LRRTM4: variants seen among roughly 807,000 people sequenced by gnomAD.
LRRTM4 encodes leucine-rich repeat transmembrane neuronal protein 4.
In LRRTM4, 25 loss-of-function variants were observed where a neutral mutation model predicts 47.6. The ratio of observed to expected loss-of-function variants is 0.53; its 90% confidence interval spans 0.38 to 0.73. LRRTM4 has a LOEUF of 0.73. LRRTM4 is among the 30% of genes least tolerant of loss of function. LRRTM4 has a pLI of 0.00. For missense variants in LRRTM4, 638 were observed against 713.4 expected, an observed-to-expected ratio of 0.89 and a Z score of 1.20; for synonymous variants, 311 against 269.5, an observed-to-expected ratio of 1.15 and a Z score of -1.51.
At chr2:76,852,864 T>C (rs1425750463) in intron 3 of LRRTM4, among the ~76,000 whole-genome samples, 1 of 152,116 alleles carries the variant, frequency 6.6e-6, no homozygotes, top group Non-Finnish European at 1.5e-5. Flanking sequence ...GGATAGTAGG[T>C]TTAGAGGACA....
rs1182608972 is a variant in LRRTM4 at position 76,787,647 on chromosome 2, CTT to C, written c.1552-38733_1552-38732del. 3.3e-5 allele frequency among the ~76,000 whole-genome samples: 5 copies of C among 151,750 alleles called. No homozygotes were observed. The East Asian group carries it at 9.7e-4, about 29-fold the overall frequency. On this transcript the variant is annotated intron_variant, in intron 3 of 3. Coordinates refer to ENST00000409884, the MANE Select transcript of LRRTM4 (RefSeq NM_001134745.3). The stretch of plus-strand genomic sequence containing the variant: ...TTTGTGAGGATTATTATAGGGAAAA[CTT>C]TGTGGTTCAGTGGGGAGTTTTGCAT...
intron 3 of LRRTM4, among the ~76,000 whole-genome samples, chr2:76,956,893 G>T (rs1028834011): frequency 1.3e-5 from 2 of 151,030 alleles, no homozygotes; most frequent in Admixed American, 6.6e-5. Flanking sequence ...GAATTACAAA[G>T]AAAATTCTTA....
chr2:76,890,095 C>A (rs1223726814), intron 3 of LRRTM4, among the ~76,000 whole-genome samples: 1 of 151,772 alleles, frequency 6.6e-6, no homozygotes, highest in Non-Finnish European at 1.5e-5. Context: ...GTAGCACACA[C>A]ACTATCAAAA....
intron 3 of LRRTM4, among the ~76,000 whole-genome samples, chr2:76,936,429 G>T (rs1178966988): frequency 6.6e-6 from 1 of 151,268 alleles, no homozygotes; most frequent in African/African-American, 2.4e-5. Flanking sequence ...ACACACTGGG[G>T]CCTGTTGAGG....
chr2:77,453,251 T>G (rs1200605082), intron 3 of LRRTM4, among the ~76,000 whole-genome samples: 2 of 149,438 alleles, frequency 1.3e-5, no homozygotes, highest in African/African-American at 4.9e-5. Flanking sequence ...GAGCGATCTC[T>G]GTTCACTGCA....
intron 3 of LRRTM4, among the ~76,000 whole-genome samples, chr2:76,753,357 T>C (rs1194320951): frequency 3.3e-5 from 5 of 152,158 alleles, no homozygotes; most frequent in African/African-American, 4.8e-5. Context: ...TGACAGTGTC[T>C]TTCTTGAAAG....
intron 3 of LRRTM4, among the ~76,000 whole-genome samples, chr2:76,869,922 C>T (rs1178838986): frequency 6.6e-6 from 1 of 151,986 alleles, no homozygotes; most frequent in East Asian, 1.9e-4. Context: ...TTGAAATATG[C>T]CCTTCTGTGT....
intron 3 of LRRTM4, among the ~76,000 whole-genome samples, chr2:77,002,155 C>T (rs1380093536): frequency 6.6e-6 from 1 of 152,144 alleles, no homozygotes; most frequent in Non-Finnish European, 1.5e-5. Context: ...CCCCTGTTTT[C>T]AAATGTATAC....
intron 3 of LRRTM4, among the ~76,000 whole-genome samples, chr2:77,182,562 A>T (rs556064728): frequency 1.3e-5 from 2 of 152,036 alleles, no homozygotes; most frequent in African/African-American, 4.8e-5. Flanking sequence ...TAAAAAAAAC[A>T]TAATAGCTTA....
At chr2:76,801,107 A>G (rs192869376) in intron 3 of LRRTM4, among the ~76,000 whole-genome samples, 6 of 152,094 alleles carry the variant, frequency 3.9e-5, no homozygotes, top group Middle Eastern at 3.4e-3. Flanking sequence ...CGGTGTGGCG[A>G]TTCCTCAGGG....
intron 3 of LRRTM4, among the ~76,000 whole-genome samples, chr2:76,780,959 T>G (rs1368682208): frequency 2.6e-5 from 4 of 152,208 alleles, no homozygotes; most frequent in Non-Finnish European, 4.4e-5. Context: ...CCTTTCTGTT[T>G]GTTAGTTTTC....
At chr2:77,499,050 C>T (rs1338618293) in intron 3 of LRRTM4, among the ~76,000 whole-genome samples, 2 of 151,816 alleles carry the variant, frequency 1.3e-5, no homozygotes, top group African/African-American at 4.8e-5. Context: ...CTCTCCAAGA[C>T]CAGGTTTTAT....
chr2:77,227,122 T>C (rs1470922601), intron 3 of LRRTM4, among the ~76,000 whole-genome samples: 2 of 152,052 alleles, frequency 1.3e-5, no homozygotes, highest in Admixed American at 1.3e-4. Context: ...TCCATGACTA[T>C]GGAGCAATAT....
chr2:77,081,855 C>G (rs1164820156), intron 3 of LRRTM4, among the ~76,000 whole-genome samples: 1 of 152,058 alleles, frequency 6.6e-6, no homozygotes, highest in Non-Finnish European at 1.5e-5. Flanking sequence ...AAGCAATACT[C>G]CAGTAGTGAC....
At chr2:76,872,482 C>T (rs1263708590) in intron 3 of LRRTM4, among the ~76,000 whole-genome samples, 1 of 151,900 alleles carries the variant, frequency 6.6e-6, no homozygotes, top group Non-Finnish European at 1.5e-5. Flanking sequence ...CTCCATAACC[C>T]ATGTATGGCT....
chr2:77,166,984 C>T (rs556859259), intron 3 of LRRTM4, among the ~76,000 whole-genome samples: 20 of 152,204 alleles, frequency 1.3e-4, no homozygotes, highest in African/African-American at 4.6e-4. Flanking sequence ...AGAGCTTCTA[C>T]ACAGCAAAGG....
intron 3 of LRRTM4, among the ~76,000 whole-genome samples, chr2:77,233,040 T>C (rs936675838): frequency 1.3e-5 from 2 of 152,204 alleles, no homozygotes; most frequent in African/African-American, 4.8e-5. Flanking sequence ...ATAAAGAAAT[T>C]GCATTGCTTG....
chr2:77,519,332 G>A lies in LRRTM4; in HGVS notation c.537C>T (p.Asp179=). The change falls in exon 3 of 4, where the codon GAC becomes GAT. Residue 179 remains aspartate (D), a synonymous_variant. Coordinates refer to ENST00000409884, the MANE Select transcript of LRRTM4 (RefSeq NM_001134745.3). The surrounding 1 kb of genome is among the most constrained non-coding windows in gnomAD (Gnocchi z 4.6). ...AATCCAAAAAATCAAGATTCCGACA[G>A]TCTTGAAAAACTCTTATGGGCACAG... The part of the protein sequence containing the change: ...LKTVPIRVFQ[D]CRNLDFLDLG... 6.2e-7 allele frequency: 1 copy of A among 1,613,448 alleles called. No homozygotes were observed. Among genetic ancestry groups the A allele is most frequent in the Non-Finnish European group, 8.5e-7 (1 of 1,179,582 alleles).
Position 77,346,469 on chromosome 2 carries a change from T to C in LRRTM4, c.1551+171849A>G, listed in dbSNP as rs565499172. ...ATATGTGCAAGTACTTGTGTACACATGTGTGTGCTGGGGGGGTCTATGTAC... is the reference window on the plus strand; with the variant it reads ...ATATGTGCAAGTACTTGTGTACACACGTGTGTGCTGGGGGGGTCTATGTAC... On this transcript the variant is annotated intron_variant, in intron 3 of 3. Coordinates refer to ENST00000409884, the MANE Select transcript of LRRTM4 (RefSeq NM_001134745.3). 3.0e-4 allele frequency among the ~76,000 whole-genome samples: 45 copies of C among 152,168 alleles called. 1 individual carries two copies. The South Asian group carries it at 8.7e-3, about 29-fold the overall frequency.
Sources: gnomAD v4.1 joint callset for allele counts (sites outside exome capture counted in the v4.1 genomes callset) on GRCh38, gnomAD v4.1.1 for gene constraint, Gnocchi (gnomAD v3.1) non-coding constraint, MANE v1.5 for transcripts, NCBI Gene and HGNC (gene_info 2026-07-23, HGNC 2026-07-21) for gene names.